Variants in TGM5 observed in about 807,000 individuals in gnomAD.
TGM5 encodes protein-glutamine gamma-glutamyltransferase 5.
TGM5 carries 69 observed loss-of-function variants against 77.2 expected under a neutral mutation model. The ratio of observed to expected loss-of-function variants is 0.89; its 90% CI spans 0.74 to 1.09. The LOEUF is 1.09. Among genes scored for constraint, TGM5 ranks in the 50% least tolerant of loss-of-function variants. The pLI is 0.00. For synonymous variants in TGM5, 346 were observed against 351.8 expected (o/e 0.98, Z 0.18); for missense variants, 842 against 896.5 (o/e 0.94, Z 0.78).
In TGM5 at chr15:43,233,687, C is replaced by A. The variant is rs1489296011; in HGVS notation, c.1876G>T (p.Val626Phe). The A allele has an allele frequency of 6.2e-7, 1 of 1,613,932 alleles. No individual in the cohort carries two copies. Residue 626 changes from valine to phenylalanine, a missense_variant and splice_region_variant, in exon 12 of 13, where the codon GTT becomes TTT. Physicochemically the swap from Val to Phe is conservative, Grantham distance 50. Around this residue, in one of 2 missense-constraint regions of TGM5, gnomAD observed 815 missense variants for 844.6 expected, o/e 0.96. Coordinates refer to ENST00000220420, the MANE Select transcript of TGM5 (RefSeq NM_201631.4). ...TGGTTCACAACGGCTGCTCCTAGAACCTAAACAGACCAGGAGGGGAAGGAG... is the reference window on the plus strand; with the variant it reads ...TGGTTCACAACGGCTGCTCCTAGAAACTAAACAGACCAGGAGGGGAAGGAG... ...TLSYPSITIN[V>F]LGAAVVNQPL...
At chr15:43,236,656 A>G (rs970905345) in intron 9 of TGM5, among the ~76,000 whole-genome samples, 3 of 152,142 alleles carry the variant, frequency 2.0e-5, no homozygotes, top group Non-Finnish European at 4.4e-5. Flanking sequence ...GAATCTGGAG[A>G]CATTTGCTTC....
At chr15:43,252,400 T>C (rs1212035194) in intron 6 of TGM5, among the ~76,000 whole-genome samples, 3 of 152,136 alleles carry the variant, frequency 2.0e-5, no homozygotes, top group Non-Finnish European at 4.4e-5. Flanking sequence ...CATTGCAACC[T>C]CTGCCCCCCC....
In TGM5 at chr15:43,235,723, C is replaced by T. The variant is rs1296347661; in HGVS notation, c.1460G>A (p.Ser487Asn). 1.3e-5 allele frequency: 21 copies of T among 1,614,192 alleles called. No individual in the cohort carries two copies. Among genetic ancestry groups the T allele is most frequent in the Non-Finnish European group, 1.5e-5 (18 of 1,180,042 alleles). Residue 487 changes from serine (S) to asparagine (N), a missense_variant, in exon 10 of 13, where the codon AGC becomes AAC. Physicochemically the swap from Ser to Asn is conservative, Grantham distance 46. Transcript: ENST00000220420. ...ELQPSRPTSL[S>N]QDSPRSLHTP... The stretch of plus-strand genomic sequence containing the variant: ...ATGCAGGCTCCGAGGGCTGTCCTGG[C>T]TCAGTGATGTGGGCCTGGAAGGTTG...
At chr15:43,238,790 C>G (rs1357894770) in intron 9 of TGM5, 27 bp downstream of exon 9, 4 of 1,612,450 alleles carry the variant, frequency 2.5e-6, no homozygotes, top group African/African-American at 1.3e-5. Flanking sequence ...GGCTGGGGCT[C>G]TGAGTAGGGC....
At chr15:43,262,038 C>G (rs1003945008) in intron 1 of TGM5, among the ~76,000 whole-genome samples, 1 of 152,164 alleles carries the variant, frequency 6.6e-6, no homozygotes, top group Non-Finnish European at 1.5e-5. Context: ...ACCCTGTCCT[C>G]TAGCCAATCT....
chr15:43,244,282 C>T (rs767514972), intron 6 of TGM5, among the ~76,000 whole-genome samples: 1 of 152,206 alleles, frequency 6.6e-6, no homozygotes, highest in East Asian at 1.9e-4. Context: ...ACTTTTCTTG[C>T]ATTTCTACAT....
intron 4 of TGM5, among the ~76,000 whole-genome samples, chr15:43,255,062 G>A (rs953297483): frequency 6.6e-6 from 1 of 152,156 alleles, no homozygotes; most frequent in Non-Finnish European, 1.5e-5. Flanking sequence ...GGCCAGGCGC[G>A]ATGGCACACA....
At position 43,235,457 on chromosome 15, in the gene TGM5, G is replaced by A. The variant is rs918885712; in HGVS notation, c.1714+12C>T. ...AACCAACTCTGCGTACACAAACTGT[G>A]CACATGCGTACCTTCTTTAGGAGAG... is the stretch of plus-strand genomic sequence containing the variant. On this transcript the variant is annotated intron_variant, in intron 10 of 12. Transcript: ENST00000220420. 1 of 1,614,124 alleles carries A rather than the reference G, an allele frequency of 6.2e-7. No homozygotes were observed. The highest frequency in any genetic ancestry group is 8.5e-7 in the Non-Finnish European group (1 of 1,180,028).
At chr15:43,253,044 T>C (rs2142373859) in intron 5 of TGM5, 108 bp from the exon 6 acceptor site, 2 of 1,241,422 alleles carry the variant, frequency 1.6e-6, no homozygotes, top group Middle Eastern at 1.9e-4. Context: ...GGAGAGACTT[T>C]TGACAGCATT....
At chr15:43,249,364 G>A (rs1274933181) in intron 6 of TGM5, among the ~76,000 whole-genome samples, 1 of 152,198 alleles carries the variant, frequency 6.6e-6, no homozygotes, top group East Asian at 1.9e-4. Flanking sequence ...AATCTTTACT[G>A]TCTAACTCCA....
intron 3 of TGM5, 86 bp downstream of exon 3, chr15:43,259,966 A>G: frequency 2.5e-6 from 4 of 1,600,256 alleles, no homozygotes; most frequent in Non-Finnish European, 3.4e-6. Context: ...GTGGCCCGGG[A>G]GCGGGGTCTA....
At chr15:43,254,316 C>T (rs888324027) in intron 4 of TGM5, among the ~76,000 whole-genome samples, 1 of 152,240 alleles carries the variant, frequency 6.6e-6, no homozygotes, top group African/African-American at 2.4e-5. Flanking sequence ...AGTCTCGGGG[C>T]TGTTTCAGTC....
At chr15:43,262,225 A>G (rs2042794792) in intron 1 of TGM5, among the ~76,000 whole-genome samples, 2 of 152,202 alleles carry the variant, frequency 1.3e-5, no homozygotes, top group African/African-American at 4.8e-5. Flanking sequence ...TGAATCGCTC[A>G]TCTGCTTAAT....
chr15:43,260,490 G>A lies in TGM5; in HGVS notation c.100C>T (p.Arg34Cys), dbSNP rs778501807. Reference sequence around the variant, plus strand: ...GTGAGGTTGAAGGCCTGGCCCCGGCGAACAAGCAGGTGGTCCACAGTGATC... The same window carrying A: ...GTGAGGTTGAAGGCCTGGCCCCGGCAAACAAGCAGGTGGTCCACAGTGATC... ...EEITVDHLLV[R>C]RGQAFNLTLY... The change falls in exon 2 of 13, where the codon CGC becomes TGC. Residue 34 changes from arginine (R) to cysteine (C), a missense_variant. Arg to Cys is a radical substitution (Grantham distance 180). This residue lies in a region of TGM5 where 815 missense variants were observed against 844.6 expected (regional missense o/e 0.96). Coordinates refer to ENST00000220420, the MANE Select transcript of TGM5 (RefSeq NM_201631.4). The A allele has an allele frequency of 2.5e-6, 4 of 1,614,192 alleles. No homozygotes were observed. The highest frequency in any genetic ancestry group is 1.7e-6 in the Non-Finnish European group (2 of 1,180,030).
At chr15:43,266,694 A>T (rs778160292) in intron 1 of TGM5, 146 bp downstream of exon 1, 6 of 1,045,828 alleles carry the variant, frequency 5.7e-6, no homozygotes, top group Non-Finnish European at 8.8e-6. Flanking sequence ...ATGAATACTG[A>T]GGTTTCTGGG....
At chr15:43,264,559 A>T (rs527960248) in intron 1 of TGM5, among the ~76,000 whole-genome samples, 79 of 152,248 alleles carry the variant, frequency 5.2e-4, no homozygotes, top group Non-Finnish European at 7.6e-4. Context: ...AATGTCCAGA[A>T]TAGGCAAATT....
intron 1 of TGM5, among the ~76,000 whole-genome samples, chr15:43,263,310 CA>C (rs1196119582): frequency 6.6e-6 from 1 of 152,146 alleles, no homozygotes; most frequent in African/African-American, 2.4e-5. Context: ...AACAAAATCC[CA>C]ACAGCCATTT....
At chr15:43,256,942 C>T (rs894790244) in intron 3 of TGM5, among the ~76,000 whole-genome samples, 1 of 152,186 alleles carries the variant, frequency 6.6e-6, no homozygotes, top group African/African-American at 2.4e-5. Context: ...TACATCCTAT[C>T]CCCATTTTAA....
intron 4 of TGM5, among the ~76,000 whole-genome samples, chr15:43,255,400 G>A (rs139108132): frequency 1.3e-3 from 191 of 152,226 alleles, no homozygotes; most frequent in African/African-American, 4.5e-3. Flanking sequence ...GTCTGAGAAA[G>A]CAGCAACCCC....
Sources: allele counts gnomAD v4.1 joint callset (sites outside exome capture counted in the v4.1 genomes callset), GRCh38; gene constraint gnomAD v4.1.1; regional missense constraint gnomAD v4.1.1; transcripts MANE v1.5; gene names NCBI Gene and HGNC (gene_info 2026-07-23, HGNC 2026-07-21).